ERGIC1: variants seen among roughly 807,000 people sequenced by gnomAD.
ERGIC1 encodes endoplasmic reticulum-golgi intermediate compartment 1.
In ERGIC1, 19 loss-of-function variants were observed where a neutral mutation model predicts 38.3. That is an observed-to-expected ratio of 0.50 (90% confidence interval 0.35 to 0.73). The LOEUF (loss-of-function observed/expected upper bound fraction) is 0.73, where lower values mean the gene tolerates loss of function less well. ERGIC1 is among the 30% of genes least tolerant of loss of function. ERGIC1 has a pLI of 0.01. For synonymous variants in ERGIC1, 124 were observed against 157.6 expected (o/e 0.79, Z 1.60); for missense variants, 294 against 389.2 (o/e 0.76, Z 2.06).
At chr5:172,933,363 CTCT>C (rs1403865763) in intron 8 of ERGIC1, 1 of 152,236 alleles carries the variant, frequency 6.6e-6, no homozygotes, top group Admixed American at 6.5e-5. Flanking sequence ...ATGCTAAGCT[CTCT>C]TCTTCCGTCT....
intron 5 of ERGIC1, chr5:172,922,228 CA>C (rs1763539090): frequency 2.0e-5 from 3 of 152,286 alleles, no homozygotes; most frequent in Non-Finnish European, 4.4e-5. Context: ...GTGACCTTAG[CA>C]AGTTTCTTCA....
chr5:172,920,391 G>A, intron 5 of ERGIC1: 1 of 717,982 alleles, frequency 1.4e-6, no homozygotes, highest in Non-Finnish European at 2.6e-6. Context: ...AGATGTCAGA[G>A]TTTGCGTGTT....
intron 1 of ERGIC1, among the ~76,000 whole-genome samples, chr5:172,850,794 C>A (rs932178532): frequency 6.6e-6 from 1 of 152,200 alleles, no homozygotes; most frequent in African/African-American, 2.4e-5. Flanking sequence ...AGGTTGCAAA[C>A]TGGTGGCATC....
At chr5:172,891,469 C>T (rs1279555528) in intron 2 of ERGIC1, among the ~76,000 whole-genome samples, 13 of 150,846 alleles carry the variant, frequency 8.6e-5, no homozygotes, top group African/African-American at 2.4e-4. Flanking sequence ...GATGGAGTCT[C>T]GCTCTGTCCC....
At chr5:172,895,928 C>A (rs569983123) in intron 2 of ERGIC1, among the ~76,000 whole-genome samples, 3 of 152,110 alleles carry the variant, frequency 2.0e-5, no homozygotes, top group South Asian at 4.2e-4. Context: ...CTTGTTATGT[C>A]CTGCCCCCAA....
At chr5:172,923,666 G>A (rs1763583211) in intron 5 of ERGIC1, among the ~76,000 whole-genome samples, 1 of 152,188 alleles carries the variant, frequency 6.6e-6, no homozygotes, top group African/African-American at 2.4e-5. Context: ...CTGACTGTGG[G>A]GTCAGCCGCC....
At chr5:172,878,285 C>T (rs1218339531) in intron 1 of ERGIC1, among the ~76,000 whole-genome samples, 6 of 152,136 alleles carry the variant, frequency 3.9e-5, no homozygotes, top group African/African-American at 1.2e-4. Flanking sequence ...GGAGTCGTCA[C>T]CCAGATTTCT....
intron 9 of ERGIC1, among the ~76,000 whole-genome samples, chr5:172,944,227 G>A (rs1014110182): frequency 5.3e-5 from 8 of 152,192 alleles, no homozygotes; most frequent in African/African-American, 9.6e-5. Flanking sequence ...CATCCCCGAC[G>A]GGGAAGATCC....
intron 7 of ERGIC1, among the ~76,000 whole-genome samples, chr5:172,930,515 G>C (rs1377437246): frequency 6.6e-6 from 1 of 151,972 alleles, no homozygotes; most frequent in Non-Finnish European, 1.5e-5. Flanking sequence ...GCTAATTTTT[G>C]TATTTTTAGT....
intron 4 of ERGIC1, among the ~76,000 whole-genome samples, chr5:172,913,232 G>A (rs565123262): frequency 4.6e-5 from 7 of 152,344 alleles, no homozygotes; most frequent in Admixed American, 2.0e-4. Flanking sequence ...TGTACCTGCC[G>A]CACGGCACTG....
intron 1 of ERGIC1, among the ~76,000 whole-genome samples, chr5:172,875,266 G>A (rs1378778708): frequency 6.6e-6 from 1 of 152,110 alleles, no homozygotes; most frequent in East Asian, 1.9e-4. Flanking sequence ...CTTGCTTCTG[G>A]TGTTGGCTCA....
intron 1 of ERGIC1, among the ~76,000 whole-genome samples, chr5:172,836,627 T>G (rs1453794053): frequency 1.3e-5 from 2 of 152,140 alleles, no homozygotes; most frequent in African/African-American, 2.4e-5. Flanking sequence ...TCCGCTTCAG[T>G]GTGCATTCAT....
At chr5:172,919,927 G>T (rs1015805110) in intron 5 of ERGIC1, among the ~76,000 whole-genome samples, 2 of 152,174 alleles carry the variant, frequency 1.3e-5, no homozygotes, top group Non-Finnish European at 1.5e-5. Context: ...TTCTTACCCA[G>T]CCCTTTCCAC....
At chr5:172,847,981 G>C (rs1211478567) in intron 1 of ERGIC1, among the ~76,000 whole-genome samples, 1 of 152,204 alleles carries the variant, frequency 6.6e-6, no homozygotes, top group Non-Finnish European at 1.5e-5. Context: ...CGAGCATCTG[G>C]TGCCTGGTGA....
At chr5:172,920,163 G>C (rs1261905333) in intron 5 of ERGIC1, among the ~76,000 whole-genome samples, 1 of 152,124 alleles carries the variant, frequency 6.6e-6, no homozygotes, top group African/African-American at 2.4e-5. Context: ...GGCACCCTCT[G>C]CCCCATACTC....
intron 1 of ERGIC1, among the ~76,000 whole-genome samples, chr5:172,836,739 G>A (rs1283897262): frequency 2.0e-5 from 3 of 152,346 alleles, no homozygotes; most frequent in Admixed American, 2.0e-4. Flanking sequence ...CATTCCAAGA[G>A]AAGGGAGGAG....
At chr5:172,908,056 C>A (rs1019895869) in intron 3 of ERGIC1, among the ~76,000 whole-genome samples, 1 of 151,636 alleles carries the variant, frequency 6.6e-6, no homozygotes, top group Non-Finnish European at 1.5e-5. Context: ...CCGATGCGGT[C>A]GACAGAATAA....
At chr5:172,947,018 T>C (rs1384451427) in intron 9 of ERGIC1, among the ~76,000 whole-genome samples, 1 of 151,836 alleles carries the variant, frequency 6.6e-6, no homozygotes, top group African/African-American at 2.4e-5. Flanking sequence ...ACCCAGTCTT[T>C]ACTAAAAATA....
rs532195527 is a variant in ERGIC1 at position 172,834,984 on chromosome 5, C to T, written c.20+551C>T. Among the ~76,000 whole-genome samples, 3 of 152,244 alleles carry T rather than the reference C, an allele frequency of 2.0e-5. No individual in the cohort carries two copies. The highest frequency in any genetic ancestry group is 2.9e-5 in the Non-Finnish European group (2 of 68,038). ...TCCCTCCCTCAGCCCCAGCCCTGTC[C>T]GCTGGGTATGGGGGCACCATGGGAA... On this transcript the variant is annotated intron_variant, in intron 1 of 9. Transcript: ENST00000393784. This position sits in a 1 kb window ranked among gnomAD's most constrained non-coding sequence, Gnocchi z 4.1.
Sources: gnomAD v4.1 joint callset for allele counts (sites outside exome capture counted in the v4.1 genomes callset) on GRCh38, gnomAD v4.1.1 for gene constraint, Gnocchi (gnomAD v3.1) non-coding constraint, MANE v1.5 for transcripts, NCBI Gene and HGNC (gene_info 2026-07-23, HGNC 2026-07-21) for gene names.